The following INTS9 variants were observed in gnomAD, a reference collection of about 807,000 sequenced individuals.
INTS9 encodes protein related to CPSF subunits of 74 kDa.
In INTS9, 55 loss-of-function variants were observed where a neutral mutation model predicts 79.7. The observed-to-expected ratio is 0.69, with a 90% CI of 0.56 to 0.86. The LOEUF is 0.86. Among genes scored for constraint, INTS9 ranks in the 40% least tolerant of loss-of-function variants. INTS9 has a pLI of 0.00. For synonymous variants in INTS9, 319 were observed against 325.2 expected, an observed-to-expected ratio of 0.98 and a Z score of 0.20; for missense variants, 721 against 831.5, an observed-to-expected ratio of 0.87 and a Z score of 1.64.
chr8:28,870,552 T>C (rs1809032367), intron 1 of INTS9, among the ~76,000 whole-genome samples: 1 of 152,170 alleles, frequency 6.6e-6, no homozygotes, highest in Non-Finnish European at 1.5e-5. Context: ...CTTATTAGTG[T>C]ATGTCGGTTC....
chr8:28,886,500 G>A (rs150217982), intron 1 of INTS9, among the ~76,000 whole-genome samples: 16 of 152,216 alleles, frequency 1.1e-4, no homozygotes, highest in Admixed American at 2.0e-4. Flanking sequence ...GCCTGCCTCC[G>A]CCTCCCAAAG....
chr8:28,812,596 T>C (rs2131048353), intron 7 of INTS9, 135 bp from the exon 8 acceptor site: 1 of 972,114 alleles, frequency 1.0e-6, no homozygotes, highest in South Asian at 1.8e-5. Context: ...AGAGACTGGG[T>C]GCAATGGCTC....
intron 12 of INTS9, 114 bp downstream of exon 12, chr8:28,780,709 T>C (rs890863102): frequency 2.7e-6 from 4 of 1,509,138 alleles, no homozygotes; most frequent in Non-Finnish European, 3.5e-6. Context: ...AGTAGAACAA[T>C]GTTTGTATTT....
chr8:28,851,698 A>G (rs111268188), intron 2 of INTS9, among the ~76,000 whole-genome samples: 2,352 of 151,812 alleles, frequency 0.015, 66 homozygotes, highest in African/African-American at 0.054. Context: ...CAGCCTCCCA[A>G]AGTGCTGGGA....
At chr8:28,768,775 A>G (rs1387471454) in intron 16 of INTS9, among the ~76,000 whole-genome samples, 1 of 152,208 alleles carries the variant, frequency 6.6e-6, no homozygotes, top group Non-Finnish European at 1.5e-5. Context: ...AGCTATTGCT[A>G]ATGCTAAGGA....
At chr8:28,880,492 C>T (rs1809667463) in intron 1 of INTS9, among the ~76,000 whole-genome samples, 1 of 152,026 alleles carries the variant, frequency 6.6e-6, no homozygotes, top group Non-Finnish European at 1.5e-5. Flanking sequence ...AGCTCCTAAC[C>T]GCGAGTGATC....
chr8:28,828,123 T>G (rs79112056), intron 6 of INTS9, among the ~76,000 whole-genome samples: 3,299 of 152,306 alleles, frequency 0.022, 117 homozygotes, highest in African/African-American at 0.074. Context: ...CTTTTAGAAC[T>G]CTAACACAAG....
intron 6 of INTS9, among the ~76,000 whole-genome samples, chr8:28,834,215 G>T (rs769575842): frequency 3.9e-5 from 6 of 152,206 alleles, no homozygotes; most frequent in Admixed American, 2.0e-4. Context: ...TCAAGGCTTT[G>T]TCATCTCCCC....
chr8:28,855,546 A>G (rs1808104295), intron 2 of INTS9, among the ~76,000 whole-genome samples: 1 of 152,232 alleles, frequency 6.6e-6, no homozygotes, highest in East Asian at 1.9e-4. Flanking sequence ...GTTATATGAA[A>G]TAATTGGCCA....
At chr8:28,866,970 C>CAAAAAAAAAAAA in intron 1 of INTS9, among the ~76,000 whole-genome samples, 1 of 145,172 alleles carries the variant, frequency 6.9e-6, no homozygotes, top group Admixed American at 7.0e-5. Context: ...GCGAAACTGT[C>CAAAAAAAAAAAA]AAAAAAGAAA....
chr8:28,882,032 AAAT>A (rs1357081406), intron 1 of INTS9, among the ~76,000 whole-genome samples: 7 of 143,546 alleles, frequency 4.9e-5, no homozygotes, highest in African/African-American at 1.3e-4. Flanking sequence ...GGTGGGGAAA[AAAT>A]TGAGAAATCG....
chr8:28,852,362 T>C (rs958775230), intron 2 of INTS9, among the ~76,000 whole-genome samples: 9 of 152,076 alleles, frequency 5.9e-5, no homozygotes, highest in Non-Finnish European at 1.0e-4. Flanking sequence ...GGGAGTTTTC[T>C]GCTGTAACTT....
chr8:28,858,281 C>T (rs1485318776), intron 2 of INTS9, among the ~76,000 whole-genome samples: 1 of 152,148 alleles, frequency 6.6e-6, no homozygotes, highest in Non-Finnish European at 1.5e-5. Flanking sequence ...ATGTCTTTCT[C>T]CCTGATAGAC....
intron 6 of INTS9, among the ~76,000 whole-genome samples, chr8:28,816,463 T>A (rs1297993073): frequency 6.6e-6 from 1 of 151,530 alleles, no homozygotes; most frequent in Admixed American, 6.6e-5. Flanking sequence ...TTCGTCCATG[T>A]CCCTACAAAG....
chr8:28,846,884 A>G (rs1170783536), intron 3 of INTS9, 75 bp from the exon 4 acceptor site: 2 of 1,136,144 alleles, frequency 1.8e-6, no homozygotes, highest in Non-Finnish European at 2.7e-6. Context: ...AAACTCCCCA[A>G]ACAAAACTTT....
Position 28,812,474 on chromosome 8 carries a change from C to G in INTS9, c.610-13G>C, listed in dbSNP as rs1284329869. 2 of 1,612,400 alleles carry G rather than the reference C, an allele frequency of 1.2e-6. No homozygotes were observed. Among genetic ancestry groups the G allele is most frequent in the Non-Finnish European group, 8.5e-7 (1 of 1,179,464 alleles). On this transcript the variant is annotated splice_polypyrimidine_tract_variant and intron_variant, in intron 7 of 16. Transcript: ENST00000521022. ...CACCAAAAAGCTCCTAAAAGAGAACCACAGTAAGAATGTGCAATGAGCTTA... is the reference window on the plus strand; with the variant it reads ...CACCAAAAAGCTCCTAAAAGAGAACGACAGTAAGAATGTGCAATGAGCTTA...
chr8:28,802,749 G>A (rs1476173185), intron 8 of INTS9, among the ~76,000 whole-genome samples: 2 of 152,034 alleles, frequency 1.3e-5, no homozygotes, highest in Non-Finnish European at 2.9e-5. Context: ...ATTCTACCAC[G>A]CCCTACAATT....
At chr8:28,882,358 A>G (rs1189758316) in intron 1 of INTS9, among the ~76,000 whole-genome samples, 2 of 143,100 alleles carry the variant, frequency 1.4e-5, no homozygotes, top group African/African-American at 2.5e-5. Flanking sequence ...TAGGAAAACC[A>G]GAGACCTTTG....
rs559306996 is a variant in INTS9, at chr8:28,783,142, CAAAAA to C, written c.1099-2153_1099-2149del. The stretch of plus-strand genomic sequence containing the variant: ...CCTGGGCGACAGTGAGACTCCGTCT[CAAAAA>C]AAAAAAAAAAAAAAAAAAAAAAGAA... On this transcript the variant is annotated intron_variant, in intron 11 of 16. Coordinates refer to ENST00000521022, the MANE Select transcript of INTS9 (RefSeq NM_018250.4). 3.2e-3 allele frequency among the ~76,000 whole-genome samples: 360 copies of C among 111,638 alleles called. 1 individual carries two copies. The highest frequency in any genetic ancestry group is 0.014 in the African/African-American group (341 of 25,058). 73.2% of individuals were successfully genotyped at this position (111,638 alleles called of 152,430 possible).
Sources: gnomAD v4.1 joint callset for allele counts (sites outside exome capture counted in the v4.1 genomes callset) on GRCh38, gnomAD v4.1.1 for gene constraint, MANE v1.5 for transcripts, NCBI Gene and HGNC (gene_info 2026-07-23, HGNC 2026-07-21) for gene names.